RGS7BP: variants seen among roughly 807,000 people sequenced by gnomAD.
RGS7BP encodes regulator of G protein signaling 7-binding protein.
A neutral mutation model predicts 31.3 loss-of-function variants in RGS7BP; 9 were observed. That is an observed-to-expected ratio of 0.29 (90% CI 0.17 to 0.50). The LOEUF is 0.50. Ranked by LOEUF, RGS7BP falls within the 20% of genes least tolerant of loss-of-function variation. RGS7BP has a pLI of 0.98. For synonymous variants in RGS7BP, 115 were observed against 120.1 expected (o/e 0.96, Z 0.28); for missense variants, 274 against 322.0 (o/e 0.85, Z 1.14).
intron 2 of RGS7BP, among the ~76,000 whole-genome samples, chr5:64,556,213 T>C (rs1217996151): frequency 6.6e-6 from 1 of 152,156 alleles, no homozygotes; most frequent in Non-Finnish European, 1.5e-5. Flanking sequence ...TATATCTCAC[T>C]GAATTAAATT....
chr5:64,554,566 A>T (rs1741877566), intron 2 of RGS7BP, among the ~76,000 whole-genome samples: 1 of 152,222 alleles, frequency 6.6e-6, no homozygotes, highest in Non-Finnish European at 1.5e-5. Flanking sequence ...TGGCATCCTA[A>T]GAATCATGAC....
chr5:64,604,751 C>A (rs1311186993), intron 5 of RGS7BP, among the ~76,000 whole-genome samples: 1 of 152,120 alleles, frequency 6.6e-6, no homozygotes, highest in African/African-American at 2.4e-5. Flanking sequence ...ATATTTGTAA[C>A]TGCAGTGTAG....
Position 64,515,085 on chromosome 5 carries a change from T to C in RGS7BP, c.332+7208T>C, listed in dbSNP as rs533969907. Among the ~76,000 whole-genome samples the C allele has an allele frequency of 7.2e-5, 11 of 152,346 alleles. No individual in the cohort carries two copies. The South Asian group carries it at 2.3e-3, about 32-fold the overall frequency. ...ACTCTGAAGTGCAAGAGACCAAGGCTGTTTCATTCATCTTTGCACCCTGAG... is the reference window on the plus strand; with the variant it reads ...ACTCTGAAGTGCAAGAGACCAAGGCCGTTTCATTCATCTTTGCACCCTGAG... On this transcript the variant is annotated intron_variant, in intron 2 of 5. Transcript: ENST00000334025.
intron 2 of RGS7BP, among the ~76,000 whole-genome samples, chr5:64,549,428 G>T (rs1040888762): frequency 1.6e-4 from 24 of 152,222 alleles, no homozygotes; most frequent in African/African-American, 5.8e-4. Flanking sequence ...TCCAGGTGGG[G>T]GTCCTGCCCC....
At chr5:64,532,128 A>G (rs1749385919) in intron 2 of RGS7BP, among the ~76,000 whole-genome samples, 1 of 152,188 alleles carries the variant, frequency 6.6e-6, no homozygotes, top group Non-Finnish European at 1.5e-5. Flanking sequence ...TCAGAAAATG[A>G]AAAAGAAGGT....
chr5:64,523,647 G>A (rs988837252), intron 2 of RGS7BP, among the ~76,000 whole-genome samples: 1 of 152,068 alleles, frequency 6.6e-6, no homozygotes, highest in Non-Finnish European at 1.5e-5. Context: ...AAACTTGTCA[G>A]TACCTGTCAC....
chr5:64,542,672 C>T (rs185101581), intron 2 of RGS7BP, among the ~76,000 whole-genome samples: 152 of 152,210 alleles, frequency 1.0e-3, no homozygotes, highest in African/African-American at 3.6e-3. Context: ...GCTGTTAACC[C>T]TTTGTGTTCC....
At chr5:64,526,816 G>A (rs555040720) in intron 2 of RGS7BP, among the ~76,000 whole-genome samples, 1 of 152,246 alleles carries the variant, frequency 6.6e-6, no homozygotes, top group East Asian at 1.9e-4. Flanking sequence ...CAGAGCCATG[G>A]AGATCTGTGT....
chr5:64,604,635 G>T (rs571558496), intron 5 of RGS7BP, among the ~76,000 whole-genome samples: 70 of 152,166 alleles, frequency 4.6e-4, no homozygotes, highest in African/African-American at 1.7e-3. Context: ...CTGGAGGTGG[G>T]GTCAGCAATT....
At chr5:64,543,117 G>A (rs1741565976) in intron 2 of RGS7BP, among the ~76,000 whole-genome samples, 1 of 152,184 alleles carries the variant, frequency 6.6e-6, no homozygotes, top group African/African-American at 2.4e-5. Context: ...AAAGAAAAAT[G>A]GTGGAGTAAT....
intron 2 of RGS7BP, among the ~76,000 whole-genome samples, chr5:64,512,986 G>A (rs927745188): frequency 5.9e-5 from 9 of 152,240 alleles, no homozygotes; most frequent in Admixed American, 4.6e-4. Context: ...TTCTCTGCAC[G>A]CCAAAATGAC....
intron 2 of RGS7BP, among the ~76,000 whole-genome samples, chr5:64,533,165 C>T (rs1366358007): frequency 2.6e-5 from 4 of 152,186 alleles, no homozygotes; most frequent in Non-Finnish European, 5.9e-5. Flanking sequence ...TTCATTTCTT[C>T]CCTCTTGAGT....
At chr5:64,566,515 A>G (rs1742172306) in intron 2 of RGS7BP, among the ~76,000 whole-genome samples, 1 of 151,950 alleles carries the variant, frequency 6.6e-6, no homozygotes, top group South Asian at 2.1e-4. Flanking sequence ...ACTAGTAAGC[A>G]TGTTCTGGGT....
At chr5:64,552,089 A>T (rs1440229646) in intron 2 of RGS7BP, among the ~76,000 whole-genome samples, 1 of 152,164 alleles carries the variant, frequency 6.6e-6, no homozygotes, top group Non-Finnish European at 1.5e-5. Context: ...TTATCTGCAT[A>T]ACTAACTTTC....
intron 2 of RGS7BP, among the ~76,000 whole-genome samples, chr5:64,536,799 T>G (rs575234769): frequency 6.6e-6 from 1 of 152,308 alleles, no homozygotes; most frequent in South Asian, 2.1e-4. Flanking sequence ...AAACCTGTTT[T>G]TGCCACATTT....
intron 2 of RGS7BP, among the ~76,000 whole-genome samples, chr5:64,560,096 G>A (rs1742017761): frequency 6.6e-6 from 1 of 152,092 alleles, no homozygotes; most frequent in South Asian, 2.1e-4. Context: ...TGTCACACTG[G>A]CTGTTTCCTG....
intron 2 of RGS7BP, among the ~76,000 whole-genome samples, chr5:64,531,276 G>A (rs1749364253): frequency 6.6e-6 from 1 of 152,196 alleles, no homozygotes. Flanking sequence ...CTATTTTTCT[G>A]CAGTATTAGA....
chr5:64,559,293 A>C (rs1741996896), intron 2 of RGS7BP, among the ~76,000 whole-genome samples: 1 of 152,144 alleles, frequency 6.6e-6, no homozygotes, highest in Non-Finnish European at 1.5e-5. Context: ...CTTATGGAAA[A>C]TAGAAAAGAA....
At position 64,506,753 on chromosome 5, in the gene RGS7BP, C is replaced by A. The variant is rs993471049; in HGVS notation, c.129C>A (p.Ala43=). 1.2e-6 allele frequency: 2 copies of A among 1,605,372 alleles called. No homozygotes were observed. Among genetic ancestry groups the A allele is most frequent in the Non-Finnish European group, 8.5e-7 (1 of 1,173,012 alleles). Residue 43 remains alanine (A), a synonymous_variant, in exon 1 of 6, where the codon GCC becomes GCA. Coordinates refer to ENST00000334025, the MANE Select transcript of RGS7BP (RefSeq NM_001029875.3). The surrounding 1 kb of genome is among the most constrained non-coding windows in gnomAD (Gnocchi z 4.6). ...WERRGSGSES[A]HKTQRALDDC... ...GCAGGGGCAGCGGCTCCGAGAGCGC[C>A]CACAAAACCCAACGAGCCCTGGACG...
Sources: gnomAD v4.1 joint callset for allele counts (sites outside exome capture counted in the v4.1 genomes callset) on GRCh38, gnomAD v4.1.1 for gene constraint, Gnocchi (gnomAD v3.1) non-coding constraint, MANE v1.5 for transcripts, NCBI Gene and HGNC (gene_info 2026-07-23, HGNC 2026-07-21) for gene names.